KALRN: variants seen among roughly 807,000 people sequenced by gnomAD.
The protein encoded by KALRN is kalirin.
KALRN carries 70 observed loss-of-function variants against 353.7 expected under a neutral mutation model. That is an observed-to-expected ratio of 0.20 (90% CI 0.16 to 0.24). The LOEUF is 0.24. KALRN is among the 10% of genes least tolerant of loss of function. The pLI is 1.00. For missense variants in KALRN, 2,791 were observed against 3,756.7 expected (o/e 0.74, Z 6.72); for synonymous variants, 1,391 against 1,434.8 (o/e 0.97, Z 0.69).
chr3:124,699,772 T>A, intron 55 of KALRN, 97 bp from the exon 56 acceptor site: 1 of 1,157,696 alleles, frequency 8.6e-7, no homozygotes, highest in East Asian at 2.4e-5. Context: ...TCCCTTGAAT[T>A]GAATGTGTCT....
intron 4 of KALRN, among the ~76,000 whole-genome samples, chr3:124,265,298 C>CTTTTTTTTTTGTTTTTTTTTTTT (rs2073377914): frequency 1.4e-5 from 1 of 73,124 alleles, no homozygotes; most frequent in Non-Finnish European, 2.7e-5. Context: ...AGAAAATATT[C>CTTTTTTTTTTGTTTTTTTTTTTT]TTTTTTTTTT....
intron 34 of KALRN, among the ~76,000 whole-genome samples, chr3:124,593,841 T>C (rs557895552): frequency 6.6e-6 from 1 of 152,298 alleles, no homozygotes; most frequent in South Asian, 2.1e-4. Context: ...TTTTATTTTG[T>C]TTTCCTCATT....
chr3:124,451,073 T>C (rs1160240915), intron 21 of KALRN, among the ~76,000 whole-genome samples: 1 of 152,078 alleles, frequency 6.6e-6, no homozygotes, highest in African/African-American at 2.4e-5. Context: ...TATTATCTCA[T>C]TATAAGGAAT....
intron 34 of KALRN, among the ~76,000 whole-genome samples, chr3:124,574,502 A>G (rs766582231): frequency 3.0e-5 from 3 of 99,840 alleles, no homozygotes; most frequent in Non-Finnish European, 5.8e-5. Context: ...AAACTTGAAT[A>G]TGCTCTTTGG....
intron 53 of KALRN, among the ~76,000 whole-genome samples, chr3:124,694,967 G>C (rs1227371473): frequency 6.6e-6 from 1 of 152,198 alleles, no homozygotes; most frequent in African/African-American, 2.4e-5. Context: ...GAATCTCTAA[G>C]TCAGAAGATT....
chr3:124,109,309 CTAGA>C (rs1205976220), intron 1 of KALRN, among the ~76,000 whole-genome samples: 2 of 151,766 alleles, frequency 1.3e-5, no homozygotes, highest in East Asian at 1.9e-4. Flanking sequence ...TTGATGCATT[CTAGA>C]TAATTTCCTC....
At position 124,639,818 on chromosome 3, in the gene KALRN, A is replaced by G. The variant is rs532244944; in HGVS notation, c.5664+2515A>G. Among the ~76,000 whole-genome samples, 3 of 152,374 alleles carry G rather than the reference A, an allele frequency of 2.0e-5. No individual in the cohort carries two copies. In the South Asian group the frequency reaches 6.2e-4, roughly 32 times the overall value. On this transcript the variant is annotated intron_variant, in intron 37 of 59. Transcript: ENST00000682506. ...GAGGACCTACAGTAAGCCCAGAATT[A>G]GAGCTATCTTTGGCTTAACATGTAA...
intron 56 of KALRN, 76 bp from the exon 57 acceptor site, chr3:124,701,962 G>A: frequency 1.7e-6 from 2 of 1,147,272 alleles, no homozygotes; most frequent in South Asian, 1.2e-5. Flanking sequence ...GGTTACTCTG[G>A]AGCTTTTCTG....
chr3:124,253,704 G>A (rs185615783), intron 3 of KALRN, among the ~76,000 whole-genome samples: 1 of 152,288 alleles, frequency 6.6e-6, no homozygotes. Flanking sequence ...TAGTGAATAG[G>A]TCTTATTTGA....
At chr3:124,122,249 C>G (rs1192931250) in intron 1 of KALRN, among the ~76,000 whole-genome samples, 2 of 152,084 alleles carry the variant, frequency 1.3e-5, no homozygotes, top group African/African-American at 4.8e-5. Context: ...CAATTCCACT[C>G]TGCTGCTGTG....
chr3:124,644,640 C>T (rs558141323), intron 37 of KALRN, among the ~76,000 whole-genome samples: 5 of 152,226 alleles, frequency 3.3e-5, no homozygotes, highest in South Asian at 2.1e-4. Flanking sequence ...TCCATGTCCC[C>T]GCAAAGGACA....
intron 46 of KALRN, 59 bp downstream of exon 46, chr3:124,666,693 T>G: frequency 7.0e-7 from 1 of 1,428,000 alleles, no homozygotes; most frequent in Admixed American, 1.7e-5. Context: ...TGGGAGCTGC[T>G]TCCCTAAGAC....
chr3:124,659,011 G>A (rs66540238), intron 42 of KALRN, among the ~76,000 whole-genome samples: 18,730 of 152,176 alleles, frequency 0.12, 1,258 homozygotes, highest in African/African-American at 0.16. Context: ...TTAGGGCCTG[G>A]CTCCATAGGC....
chr3:124,715,572 T>C (rs2063098550), intron 58 of KALRN, among the ~76,000 whole-genome samples: 1 of 152,230 alleles, frequency 6.6e-6, no homozygotes, highest in African/African-American at 2.4e-5. Flanking sequence ...TACCTCACCC[T>C]TAGCAGGGTC....
chr3:124,452,649 G>A (rs1237599960), intron 21 of KALRN, among the ~76,000 whole-genome samples: 1 of 152,032 alleles, frequency 6.6e-6, no homozygotes, highest in Non-Finnish European at 1.5e-5. Context: ...AGTGGAGACA[G>A]GGCTGCTACA....
At chr3:124,486,365 G>A (rs1002921081) in intron 28 of KALRN, among the ~76,000 whole-genome samples, 1 of 152,114 alleles carries the variant, frequency 6.6e-6, no homozygotes, top group African/African-American at 2.4e-5. Context: ...AATAAGATTG[G>A]GAAGGTTAAA....
chr3:124,657,848 C>T (rs1241502083), intron 41 of KALRN, 45 bp downstream of exon 41: 5 of 1,289,164 alleles, frequency 3.9e-6, no homozygotes, highest in South Asian at 3.6e-5. Context: ...TCACTAGGCT[C>T]ATTTATATTC....
intron 37 of KALRN, among the ~76,000 whole-genome samples, chr3:124,638,999 C>T (rs1346105597): frequency 6.6e-6 from 1 of 152,130 alleles, no homozygotes; most frequent in African/African-American, 2.4e-5. Flanking sequence ...ACATAAAGTC[C>T]ACACTTACCT....
At chr3:124,600,809 T>A (rs1448053277) in intron 34 of KALRN, among the ~76,000 whole-genome samples, 1 of 152,182 alleles carries the variant, frequency 6.6e-6, no homozygotes, top group Non-Finnish European at 1.5e-5. Context: ...CTACCTTGAG[T>A]GCATGTGTTT....
Sources: allele counts gnomAD v4.1 joint callset (sites outside exome capture counted in the v4.1 genomes callset), GRCh38; gene constraint gnomAD v4.1.1; transcripts MANE v1.5; gene names NCBI Gene and HGNC (gene_info 2026-07-23, HGNC 2026-07-21).